RAB3C: variants seen among roughly 807,000 people sequenced by gnomAD.
RAB3C encodes the protein ras-related protein Rab-3C.
In RAB3C, 17 loss-of-function variants were observed where a neutral mutation model predicts 26.4. That is an observed-to-expected ratio of 0.64 (90% confidence interval 0.44 to 0.97). RAB3C has a LOEUF of 0.97. RAB3C is among the 50% of genes least tolerant of loss of function. The pLI is 0.00. For missense variants in RAB3C, 242 were observed against 281.9 expected (o/e 0.86, Z 1.01); for synonymous variants, 91 against 95.9 (o/e 0.95, Z 0.30).
chr5:58,833,827 G>A (rs1743674008), intron 4 of RAB3C, among the ~76,000 whole-genome samples: 1 of 152,164 alleles, frequency 6.6e-6, no homozygotes, highest in Non-Finnish European at 1.5e-5. Context: ...CTATTTAAAT[G>A]CTTTGATAAG....
chr5:58,793,422 T>G (rs1235721685), intron 3 of RAB3C, among the ~76,000 whole-genome samples: 4 of 151,316 alleles, frequency 2.6e-5, no homozygotes, highest in Non-Finnish European at 5.9e-5. Flanking sequence ...CTGGGCGTGG[T>G]GGCACACGCC....
intron 3 of RAB3C, among the ~76,000 whole-genome samples, chr5:58,766,566 C>T (rs1741911044): frequency 6.6e-6 from 1 of 152,184 alleles, no homozygotes; most frequent in South Asian, 2.1e-4. Flanking sequence ...TAATTAAGCC[C>T]TTTCAAGTCA....
chr5:58,672,529 T>A (rs1748141488), intron 2 of RAB3C, among the ~76,000 whole-genome samples: 1 of 152,180 alleles, frequency 6.6e-6, no homozygotes, highest in Admixed American at 6.5e-5. Context: ...AGTCTAAAAT[T>A]ATGTGAGGAA....
chr5:58,765,939 T>C (rs1741891823), intron 3 of RAB3C, among the ~76,000 whole-genome samples: 1 of 151,994 alleles, frequency 6.6e-6, no homozygotes, highest in African/African-American at 2.4e-5. Context: ...GTGTAGCACC[T>C]CCCCCTGCCC....
intron 3 of RAB3C, chr5:58,823,125 A>T (rs1743381372): frequency 2.4e-6 from 1 of 420,294 alleles, no homozygotes; most frequent in Admixed American, 3.0e-5. Flanking sequence ...AATGATGCAG[A>T]TTACATGCAT....
intron 1 of RAB3C, among the ~76,000 whole-genome samples, chr5:58,596,894 AATATT>A (rs1746290499): frequency 1.0e-5 from 1 of 96,390 alleles, no homozygotes; most frequent in African/African-American, 4.4e-5. Flanking sequence ...CATAATATAT[AATATT>A]ATATTTTAAT....
At position 58,726,124 on chromosome 5, in the gene RAB3C, A is replaced by G. The variant is rs755449802; in HGVS notation, c.371+4A>G. On this transcript the variant is annotated splice_donor_region_variant and intron_variant, in intron 3 of 4. Transcript: ENST00000282878. Reference sequence around the variant, plus strand: ...CCTTCAATGCAGTACAAGATTGGTAAGTCAGAGCAAATACTCTTATTACTG... The same window carrying G: ...CCTTCAATGCAGTACAAGATTGGTAGGTCAGAGCAAATACTCTTATTACTG... The G allele has an allele frequency of 1.9e-5, 27 of 1,437,374 alleles. No individual in the cohort carries two copies. Among genetic ancestry groups the G allele is most frequent in the Non-Finnish European group, 2.5e-5 (26 of 1,031,778 alleles). 89.0% of individuals were successfully genotyped at this position (1,437,374 alleles called of 1,614,324 possible). A position where few individuals can be genotyped will look rare whatever the true frequency, so the allele number is the denominator to read the frequency against.
chr5:58,776,710 T>G (rs184408844), intron 3 of RAB3C, among the ~76,000 whole-genome samples: 7 of 152,234 alleles, frequency 4.6e-5, no homozygotes, highest in African/African-American at 1.2e-4. Context: ...AAAACCTGAC[T>G]GCTTGCTCCC....
chr5:58,591,698 G>T (rs1746130507), intron 1 of RAB3C, among the ~76,000 whole-genome samples: 1 of 149,766 alleles, frequency 6.7e-6, no homozygotes, highest in Non-Finnish European at 1.5e-5. Context: ...TTTTTTTCCA[G>T]TTTGAAAAAT....
chr5:58,724,486 TC>T (rs1554049669), intron 2 of RAB3C, among the ~76,000 whole-genome samples: 1 of 151,594 alleles, frequency 6.6e-6, no homozygotes, highest in Non-Finnish European at 1.5e-5. Flanking sequence ...CTTCCTTTTT[TC>T]CCCCCACAGT....
At chr5:58,748,093 T>C (rs1238091568) in intron 3 of RAB3C, among the ~76,000 whole-genome samples, 1 of 152,058 alleles carries the variant, frequency 6.6e-6, no homozygotes. Flanking sequence ...TCTTTTTTAT[T>C]CCCATCCTCA....
At chr5:58,761,567 T>G (rs1455298678) in intron 3 of RAB3C, among the ~76,000 whole-genome samples, 1 of 152,164 alleles carries the variant, frequency 6.6e-6, no homozygotes, top group Non-Finnish European at 1.5e-5. Context: ...AGCTTGTATC[T>G]CTTCATTTTG....
At chr5:58,777,614 A>G (rs1273556336) in intron 3 of RAB3C, among the ~76,000 whole-genome samples, 5 of 102,234 alleles carry the variant, frequency 4.9e-5, no homozygotes, top group African/African-American at 1.9e-4. Context: ...TTTTTTTTGT[A>G]CTTTAAGTTA....
intron 2 of RAB3C, among the ~76,000 whole-genome samples, chr5:58,670,663 G>C (rs1182138036): frequency 6.6e-6 from 1 of 152,198 alleles, no homozygotes; most frequent in Non-Finnish European, 1.5e-5. Context: ...GTATAGAACT[G>C]CAGTGCTTAT....
intron 1 of RAB3C, among the ~76,000 whole-genome samples, chr5:58,596,890 A>G (rs1465415957): frequency 2.1e-5 from 2 of 97,034 alleles, no homozygotes; most frequent in East Asian, 3.3e-4. Context: ...AATACATAAT[A>G]TATAATATTA....
At position 58,583,245 on chromosome 5, in the gene RAB3C, A is replaced by C. The variant is rs772324328; in HGVS notation, c.24+13A>C. 2.5e-6 allele frequency: 4 copies of C among 1,614,202 alleles called. No individual in the cohort carries two copies. In the Admixed American group the frequency reaches 6.7e-5, roughly 27 times the overall value. On this transcript the variant is annotated intron_variant, in intron 1 of 4. Coordinates refer to ENST00000282878, the MANE Select transcript of RAB3C (RefSeq NM_138453.4). ...AGCGCCCATGCAGGTGGGTCCATAA[A>C]GAAAGAGTGGCCTCGGGAGGAATTG...
chr5:58,639,112 C>T (rs1747354727), intron 2 of RAB3C, among the ~76,000 whole-genome samples: 1 of 152,198 alleles, frequency 6.6e-6, no homozygotes, highest in Non-Finnish European at 1.5e-5. Context: ...TGAGTCTTCC[C>T]TCTTTCGAAT....
At chr5:58,848,352 A>G (rs1744047081) in intron 4 of RAB3C, 2 of 152,210 alleles carry the variant, frequency 1.3e-5, no homozygotes, top group South Asian at 4.1e-4. Flanking sequence ...ATGAAAGTTT[A>G]TGGTATATTG....
chr5:58,843,173 C>T (rs1205527789), intron 4 of RAB3C, among the ~76,000 whole-genome samples: 7 of 152,132 alleles, frequency 4.6e-5, no homozygotes, highest in Admixed American at 6.5e-5. Flanking sequence ...ATAGTATGTA[C>T]TTAATAAATG....
Sources: allele counts gnomAD v4.1 joint callset (sites outside exome capture counted in the v4.1 genomes callset), GRCh38; gene constraint gnomAD v4.1.1; transcripts MANE v1.5; gene names NCBI Gene and HGNC (gene_info 2026-07-23, HGNC 2026-07-21).